The following EHD4 variants were observed in gnomAD, a reference collection of about 807,000 sequenced individuals.
EHD4 encodes the protein EH domain-containing protein 4.
In EHD4, 37 loss-of-function variants were observed where a neutral mutation model predicts 51.0. That is an observed-to-expected ratio of 0.73 (90% CI 0.56 to 0.95). The LOEUF is 0.95. EHD4 is among the 40% of genes least tolerant of loss of function. EHD4 has a pLI of 0.00. For synonymous variants in EHD4, 297 were observed against 317.3 expected (o/e 0.94, Z 0.68); for missense variants, 632 against 733.1 (o/e 0.86, Z 1.59).
At chr15:41,970,654 C>T (rs2067989298) in intron 1 of EHD4, among the ~76,000 whole-genome samples, 1 of 152,238 alleles carries the variant, frequency 6.6e-6, no homozygotes, top group South Asian at 2.1e-4. Context: ...TCCAGGTTGG[C>T]ACAGCATCTA....
intron 3 of EHD4, among the ~76,000 whole-genome samples, chr15:41,919,899 C>T (rs571153576): frequency 6.6e-6 from 1 of 152,320 alleles, no homozygotes; most frequent in African/African-American, 2.4e-5. Context: ...TTCATTTAGT[C>T]CTCATGAGTG....
chr15:41,899,689 C>T lies in EHD4; in HGVS notation c.*956G>A, dbSNP rs1034879776. 2 of 152,154 alleles carry T rather than the reference C, an allele frequency of 1.3e-5. No individual in the cohort carries two copies. Among genetic ancestry groups the T allele is most frequent in the South Asian group, 4.1e-4 (2 of 4,824 alleles). The allele number at this position is 152,154 out of a possible 1,614,324, so 9.4% of individuals were successfully genotyped here. On this transcript the variant is annotated 3_prime_UTR_variant, in exon 6 of 6. Coordinates refer to ENST00000220325, the MANE Select transcript of EHD4 (RefSeq NM_139265.4). ...GACAGGATTTGATTGAATTTAAATC[C>T]TGCCACCCACCAAGGAGACCTCGGG...
intron 1 of EHD4, among the ~76,000 whole-genome samples, chr15:41,959,275 A>T (rs981702908): frequency 6.6e-6 from 1 of 151,960 alleles, no homozygotes; most frequent in Non-Finnish European, 1.5e-5. Context: ...GGGCGCCTGT[A>T]GTCCCAGCTA....
In EHD4 at chr15:41,897,294, A is replaced by G. The variant is rs539636363; in HGVS notation, c.*3351T>C. On this transcript the variant is annotated 3_prime_UTR_variant, in exon 6 of 6. Transcript: ENST00000220325. Reference sequence around the variant, plus strand: ...TTGTCTCAGGCATCCTCCAGGCATCATGAAGGAGGGTGAGCGAGGGTGCGA... The same window carrying G: ...TTGTCTCAGGCATCCTCCAGGCATCGTGAAGGAGGGTGAGCGAGGGTGCGA... 6.6e-6 allele frequency: 1 copy of G among 152,358 alleles called. No homozygotes were observed. Among genetic ancestry groups the G allele is most frequent in the East Asian group, 1.9e-4 (1 of 5,182 alleles). 9.4% of individuals were successfully genotyped at this position (152,358 alleles called of 1,614,324 possible).
At position 41,899,336 on chromosome 15, in the gene EHD4, G is replaced by A. The variant is rs993355344; in HGVS notation, c.*1309C>T. On this transcript the variant is annotated 3_prime_UTR_variant, in exon 6 of 6. Coordinates refer to ENST00000220325, the MANE Select transcript of EHD4 (RefSeq NM_139265.4). ...AGGTGTCTGAGCAGCAGTCCAGAGAGGTTTACTCAGGGGATTTGGGGAGCG... is the reference window on the plus strand; with the variant it reads ...AGGTGTCTGAGCAGCAGTCCAGAGAAGTTTACTCAGGGGATTTGGGGAGCG... 1.3e-5 allele frequency: 2 copies of A among 152,198 alleles called. No homozygotes were observed. The highest frequency in any genetic ancestry group is 2.9e-5 in the Non-Finnish European group (2 of 68,032). The allele number at this position is 152,198 out of a possible 1,614,324, so 9.4% of individuals were successfully genotyped here.
chr15:41,903,407 C>T (rs1015389919), intron 5 of EHD4, among the ~76,000 whole-genome samples: 6 of 149,876 alleles, frequency 4.0e-5, no homozygotes, highest in Admixed American at 6.7e-5. Context: ...CTGGCAAAAA[C>T]CTCTGCTAGC....
chr15:41,937,200 G>A (rs1356261827), intron 3 of EHD4, among the ~76,000 whole-genome samples: 1 of 152,134 alleles, frequency 6.6e-6, no homozygotes, highest in Non-Finnish European at 1.5e-5. Context: ...GGACAAATTC[G>A]AGTCTCCTGC....
At chr15:41,927,702 G>C (rs972233698) in intron 3 of EHD4, among the ~76,000 whole-genome samples, 1 of 152,158 alleles carries the variant, frequency 6.6e-6, no homozygotes, top group African/African-American at 2.4e-5. Flanking sequence ...AAGGAAATGG[G>C]GCTTTGCTAA....
At chr15:41,945,386 C>T (rs1432094416) in intron 2 of EHD4, among the ~76,000 whole-genome samples, 1 of 152,228 alleles carries the variant, frequency 6.6e-6, no homozygotes, top group Non-Finnish European at 1.5e-5. Context: ...ACAGCAGAGG[C>T]CAGGCACGGG....
chr15:41,961,799 G>A (rs2067926026), intron 1 of EHD4, among the ~76,000 whole-genome samples: 2 of 152,172 alleles, frequency 1.3e-5, no homozygotes, highest in Admixed American at 6.6e-5. Flanking sequence ...TTAGAAGCTT[G>A]ATATGAATGC....
chr15:41,957,940 G>C (rs1212542166), intron 1 of EHD4, among the ~76,000 whole-genome samples: 1 of 152,176 alleles, frequency 6.6e-6, no homozygotes, highest in Non-Finnish European at 1.5e-5. Context: ...GAAGGGAAGA[G>C]TCTGAGCTGA....
chr15:41,955,693 T>C (rs2067883076), intron 1 of EHD4, among the ~76,000 whole-genome samples: 2 of 152,338 alleles, frequency 1.3e-5, no homozygotes, highest in African/African-American at 4.8e-5. Context: ...TTCGTGTTGA[T>C]CAATTCTTAC....
chr15:41,912,619 C>T (rs771471239), intron 4 of EHD4, among the ~76,000 whole-genome samples: 1 of 152,048 alleles, frequency 6.6e-6, no homozygotes, highest in Non-Finnish European at 1.5e-5. Context: ...AGCTTGAACC[C>T]GGGAGGCAGA....
intron 2 of EHD4, among the ~76,000 whole-genome samples, chr15:41,947,763 C>A (rs1342863749): frequency 3.9e-5 from 6 of 152,158 alleles, no homozygotes; most frequent in African/African-American, 9.7e-5. Flanking sequence ...AACTAATTAC[C>A]ACTTTTAAAG....
In EHD4 at chr15:41,972,486, G is replaced by C; in HGVS notation, c.9C>G (p.Ser3Arg). MF[S>R]WMGRQAGGRE... ...GCCCGCCCGCCTGCCGCCCCATCCA[G>C]CTGAACATCCTGCCGCCAGTCCACG... The change falls in exon 1 of 6, where the codon AGC (serine) becomes AGG (arginine). Residue 3 changes from serine to arginine, a missense_variant. Transcript: ENST00000220325. 6.5e-7 allele frequency: 1 copy of C among 1,526,894 alleles called. No homozygotes were observed. Among genetic ancestry groups the C allele is most frequent in the Non-Finnish European group, 8.8e-7 (1 of 1,140,370 alleles). The allele number at this position is 1,526,894 out of a possible 1,614,324, so 94.6% of individuals were successfully genotyped here. A position where few individuals can be genotyped will look rare whatever the true frequency, so the allele number is the denominator to read the frequency against.
At chr15:41,921,203 C>T (rs928053049) in intron 3 of EHD4, among the ~76,000 whole-genome samples, 13 of 152,146 alleles carry the variant, frequency 8.5e-5, no homozygotes, top group Admixed American at 3.3e-4. Flanking sequence ...GTGTTTATGC[C>T]GCCACACGCG....
At chr15:41,971,918 C>G (rs11629533) in intron 1 of EHD4, among the ~76,000 whole-genome samples, 1 of 152,266 alleles carries the variant, frequency 6.6e-6, no homozygotes, top group East Asian at 1.9e-4. Flanking sequence ...ATTTCCATCC[C>G]TAGGCATCAC....
intron 4 of EHD4, among the ~76,000 whole-genome samples, chr15:41,911,223 A>T (rs542268940): frequency 6.6e-6 from 1 of 152,350 alleles, no homozygotes; most frequent in South Asian, 2.1e-4. Context: ...TAACAGAAGC[A>T]TGCACTGTGC....
Position 41,901,012 on chromosome 15 carries a change from G to T in EHD4, c.1259C>A (p.Thr420Asn). ...QLVQGGAFDGTTEGPFNQGYG... is the reference protein window; with the variant it reads ...QLVQGGAFDGNTEGPFNQGYG... ...GCCCTGGTTGAAGGGGCCCTCGGTG[G>T]TGCCATCGAAGGCGCCGCCCTGCAC... Residue 420 changes from threonine (T) to asparagine (N), a missense_variant, in exon 6 of 6, where the codon ACC becomes AAC. Transcript: ENST00000220325. The T allele has an allele frequency of 6.2e-7, 1 of 1,608,570 alleles. No individual in the cohort carries two copies. The highest frequency in any genetic ancestry group is 1.1e-5 in the South Asian group (1 of 90,784).
Sources: gnomAD v4.1 joint callset for allele counts (sites outside exome capture counted in the v4.1 genomes callset) on GRCh38, gnomAD v4.1.1 for gene constraint, MANE v1.5 for transcripts, NCBI Gene and HGNC (gene_info 2026-07-23, HGNC 2026-07-21) for gene names.